Variants in CEP63 observed in about 807,000 individuals in gnomAD.
CEP63 encodes centrosomal protein 63.
CEP63 carries 84 observed loss-of-function variants against 89.1 expected under a neutral mutation model. That is an observed-to-expected ratio of 0.94 (90% confidence interval 0.79 to 1.13). The LOEUF (loss-of-function observed/expected upper bound fraction) is 1.13, where lower values mean the gene tolerates loss of function less well. Ranked by LOEUF, CEP63 falls within the 50% of genes most tolerant of loss-of-function variation. The pLI is 0.00. For synonymous variants in CEP63, 267 were observed against 272.5 expected (o/e 0.98, Z 0.20); for missense variants, 838 against 813.3 (o/e 1.03, Z -0.37).
At chr3:134,703,626 A>G in the CEP63 span, among the ~76,000 whole-genome samples, 2 of 152,252 alleles carry the variant, frequency 1.3e-5, no homozygotes, top group South Asian at 4.1e-4. Flanking sequence ...GGGGCCTGTT[A>G]AAAGATCAGG....
the CEP63 span, among the ~76,000 whole-genome samples, chr3:134,648,841 C>T: frequency 1.3e-5 from 2 of 152,198 alleles, no homozygotes; most frequent in East Asian, 3.9e-4. Flanking sequence ...AGCCTAGGCC[C>T]TCTTTTATAT....
downstream of CEP63, among the ~76,000 whole-genome samples, chr3:134,576,442 G>C (rs969904251): frequency 6.6e-6 from 1 of 152,180 alleles, no homozygotes; most frequent in Non-Finnish European, 1.5e-5. Flanking sequence ...TGACAAGTGC[G>C]CATGGCAGTA....
chr3:134,686,010 G>C, the CEP63 span, among the ~76,000 whole-genome samples: 1 of 152,212 alleles, frequency 6.6e-6, no homozygotes, highest in Non-Finnish European at 1.5e-5. Context: ...AAGTCAATCA[G>C]CCTGTGGCAG....
the CEP63 span, among the ~76,000 whole-genome samples, chr3:134,724,108 G>A: frequency 2.0e-5 from 3 of 152,198 alleles, no homozygotes; most frequent in Admixed American, 6.5e-5. Flanking sequence ...CCTGGGATGC[G>A]AGTGAAACTT....
the CEP63 span, chr3:134,627,715 G>A: frequency 6.4e-7 from 1 of 1,570,660 alleles, no homozygotes; most frequent in Non-Finnish European, 8.8e-7. Flanking sequence ...CTAAACCCAT[G>A]TGCTCTCTTG....
chr3:134,538,644 C>T (rs1157691614), intron 6 of CEP63, among the ~76,000 whole-genome samples: 2 of 149,126 alleles, frequency 1.3e-5, no homozygotes, highest in African/African-American at 4.9e-5. Context: ...TCTTGAATTC[C>T]TGGGCTCCAG....
At chr3:134,687,616 G>C in the CEP63 span, among the ~76,000 whole-genome samples, 2 of 152,216 alleles carry the variant, frequency 1.3e-5, no homozygotes, top group Non-Finnish European at 2.9e-5. Context: ...TGGGAAGTGT[G>C]TTACTCAAAT....
rs570903775 is a variant in CEP63, at chr3:134,559,284, T to G, written c.1808T>G (p.Ile603Ser). 3.7e-6 allele frequency: 6 copies of G among 1,614,160 alleles called. No homozygotes were observed. In the African/African-American group the frequency reaches 8.0e-5, roughly 22 times the overall value. Reference protein sequence around the residue: ...SRVLSPLSPQISPCSSTRSLT... With the variant: ...SRVLSPLSPQSSPCSSTRSLT... ...GTGCTAAGCCCCCTGAGTCCTCAAA[T>G]CAGCCCTTGCAGCTCCACCAGGTCT... Residue 603 changes from isoleucine (I) to serine (S), a missense_variant, in exon 14 of 15, where the codon ATC becomes AGC. Transcript: ENST00000675561.
chr3:134,680,497 C>T, the CEP63 span, among the ~76,000 whole-genome samples: 22 of 152,272 alleles, frequency 1.4e-4, no homozygotes, highest in African/African-American at 4.6e-4. Flanking sequence ...CATCACTCCC[C>T]GAGGGGTCTG....
chr3:134,561,655 C>A lies in CEP63; in HGVS notation c.*120C>A. Reference sequence around the variant, plus strand: ...AATTATAAAAATGATACATCTAAAGCAGTGGTGAAGAAAGCTGAAAAACTG... The same window carrying A: ...AATTATAAAAATGATACATCTAAAGAAGTGGTGAAGAAAGCTGAAAAACTG... On this transcript the variant is annotated 3_prime_UTR_variant, in exon 15 of 15. Coordinates refer to ENST00000675561, the MANE Select transcript of CEP63 (RefSeq NM_001353108.3). 1 of 1,503,252 alleles carries A rather than the reference C, an allele frequency of 6.7e-7. No individual in the cohort carries two copies. The highest frequency in any genetic ancestry group is 8.9e-7 in the Non-Finnish European group (1 of 1,129,308). The allele number at this position is 1,503,252 out of a possible 1,614,324, so 93.1% of individuals were successfully genotyped here.
At chr3:134,655,561 G>C in the CEP63 span, among the ~76,000 whole-genome samples, 4 of 152,300 alleles carry the variant, frequency 2.6e-5, no homozygotes, top group East Asian at 7.7e-4. Context: ...TCTCACATGT[G>C]TCTTACAGGT....
intron 3 of CEP63, among the ~76,000 whole-genome samples, chr3:134,531,154 A>G (rs945756542): frequency 6.6e-6 from 1 of 152,152 alleles, no homozygotes; most frequent in African/African-American, 2.4e-5. Context: ...TCTGTACTTT[A>G]TTGTAGAGAA....
the CEP63 span, among the ~76,000 whole-genome samples, chr3:134,721,289 G>T: frequency 6.6e-6 from 1 of 151,986 alleles, no homozygotes; most frequent in African/African-American, 2.4e-5. Context: ...TTTATTACTG[G>T]TATAAAATAC....
intron 3 of CEP63, among the ~76,000 whole-genome samples, chr3:134,524,336 A>T (rs1230748716): frequency 1.3e-5 from 2 of 152,122 alleles, no homozygotes; most frequent in African/African-American, 4.8e-5. Flanking sequence ...TACAAACAGG[A>T]ATAGTTTGAC....
chr3:134,671,308 G>A, the CEP63 span, among the ~76,000 whole-genome samples: 2 of 152,164 alleles, frequency 1.3e-5, no homozygotes, highest in Non-Finnish European at 1.5e-5. Flanking sequence ...ATAAAGAGGG[G>A]AACAATAGAC....
At chr3:134,651,735 T>A in the CEP63 span, 1 of 536,102 alleles carries the variant, frequency 1.9e-6, no homozygotes, top group Non-Finnish European at 2.4e-6. Context: ...GAAGCCTGGC[T>A]CCTGCCCTGT....
chr3:134,523,775 T>G (rs983581363), intron 3 of CEP63, among the ~76,000 whole-genome samples: 1 of 152,202 alleles, frequency 6.6e-6, no homozygotes, highest in Non-Finnish European at 1.5e-5. Flanking sequence ...AGTGCCATAC[T>G]GTTTTGGTTA....
At chr3:134,766,480 G>A in the CEP63 span, among the ~76,000 whole-genome samples, 1 of 152,254 alleles carries the variant, frequency 6.6e-6, no homozygotes, top group Admixed American at 6.5e-5. Context: ...GACCTTTCTG[G>A]TGCTGCCTGC....
the CEP63 span, among the ~76,000 whole-genome samples, chr3:134,723,202 G>C: frequency 1.3e-5 from 2 of 152,160 alleles, no homozygotes; most frequent in Non-Finnish European, 2.9e-5. Context: ...CCTTGGCATA[G>C]TCTCCTTATG....
Sources: allele counts gnomAD v4.1 joint callset (sites outside exome capture counted in the v4.1 genomes callset), GRCh38; gene constraint gnomAD v4.1.1; transcripts MANE v1.5; gene names NCBI Gene and HGNC (gene_info 2026-07-23, HGNC 2026-07-21).